The following TNKS variants were observed in gnomAD, a reference collection of about 807,000 sequenced individuals.
The protein encoded by TNKS is tankyrase.
TNKS carries 72 observed loss-of-function variants against 135.8 expected under a neutral mutation model. The ratio of observed to expected loss-of-function variants is 0.53; its 90% CI spans 0.44 to 0.64. The LOEUF is 0.64. Ranked by LOEUF, TNKS falls within the 30% of genes least tolerant of loss-of-function variation. The pLI is 0.00. For missense variants in TNKS, 1,769 were observed against 1,674.0 expected (o/e 1.06, Z -0.99); for synonymous variants, 849 against 649.3 (o/e 1.31, Z -4.68).
At chr8:9,716,147 T>G (rs1804589364) in intron 11 of TNKS, among the ~76,000 whole-genome samples, 1 of 152,206 alleles carries the variant, frequency 6.6e-6, no homozygotes, top group Non-Finnish European at 1.5e-5. Context: ...ATTTACATTG[T>G]GTTTAAGAAG....
chr8:9,566,593 C>CTTTTTTT (rs538182381), intron 1 of TNKS: 2 of 87,162 alleles, frequency 2.3e-5, no homozygotes, highest in Non-Finnish European at 4.4e-5. Context: ...TTAGCCCAGT[C>CTTTTTTT]TTTTTTTTTT....
chr8:9,777,015 C>G lies in TNKS; in HGVS notation c.*279C>G, dbSNP rs1339909455. On this transcript the variant is annotated 3_prime_UTR_variant, in exon 27 of 27. Coordinates refer to ENST00000310430, the MANE Select transcript of TNKS (RefSeq NM_003747.3). ...ATCCATTTCTAAAACAAGATTGCTT[C>G]GATCTAGACTTGGAAATGGAAAATA... The G allele has an allele frequency of 2.6e-6, 1 of 386,172 alleles. No individual in the cohort carries two copies. Among genetic ancestry groups the G allele is most frequent in the South Asian group, 4.4e-5 (1 of 22,666 alleles). 23.9% of individuals were successfully genotyped at this position (386,172 alleles called of 1,614,324 possible). A position where few individuals can be genotyped will look rare whatever the true frequency, so the allele number is the denominator to read the frequency against.
Position 9,735,535 on chromosome 8 carries a change from T to G in TNKS, c.2643+49T>G, listed in dbSNP as rs199637709. The stretch of plus-strand genomic sequence containing the variant: ...TAGAAAACTGACCGCACGCGGTGGC[T>G]CACGCCTGTAATCCCAGCACTTTAG... On this transcript the variant is annotated intron_variant, in intron 17 of 26. Transcript: ENST00000310430. The G allele has an allele frequency of 2.3e-5, 34 of 1,466,674 alleles. No homozygotes were observed. In the African/African-American group the frequency reaches 4.6e-4, roughly 20 times the overall value. 90.9% of individuals were successfully genotyped at this position (1,466,674 alleles called of 1,614,324 possible).
intron 2 of TNKS, among the ~76,000 whole-genome samples, chr8:9,591,784 A>C (rs1798599840): frequency 6.6e-6 from 1 of 152,172 alleles, no homozygotes; most frequent in African/African-American, 2.4e-5. Flanking sequence ...TATCAGTTAA[A>C]ATAGCAAAGT....
intron 3 of TNKS, among the ~76,000 whole-genome samples, chr8:9,662,324 A>G (rs549638084): frequency 6.6e-6 from 1 of 152,360 alleles, no homozygotes; most frequent in South Asian, 2.1e-4. Flanking sequence ...TATTCACAAT[A>G]GCAAAGACTT....
At position 9,734,972 on chromosome 8, in the gene TNKS, G is replaced by A; in HGVS notation, c.2421G>A (p.Leu807=). The change falls in exon 16 of 27, where the codon TTG becomes TTA. Residue 807 remains leucine, a synonymous_variant. Transcript: ENST00000310430. ...ACTTACTGAGAGGGGATGCTGCTTTGTTGGATGCTGCCAAGAAGGGCTGCC... is the reference window on the plus strand; with the variant it reads ...ACTTACTGAGAGGGGATGCTGCTTTATTGGATGCTGCCAAGAAGGGCTGCC... The part of the protein sequence containing the change: ...IQDLLRGDAA[L]LDAAKKGCLA... 1 of 1,614,206 alleles carries A rather than the reference G, an allele frequency of 6.2e-7. No individual in the cohort carries two copies.
intron 3 of TNKS, among the ~76,000 whole-genome samples, chr8:9,639,976 T>C (rs1387411534): frequency 6.6e-6 from 1 of 152,206 alleles, no homozygotes; most frequent in South Asian, 2.1e-4. Context: ...AGGATAATTG[T>C]AGAAAAGCAT....
At chr8:9,773,324 A>AT (rs1229225027) in intron 26 of TNKS, among the ~76,000 whole-genome samples, 12 of 151,928 alleles carry the variant, frequency 7.9e-5, no homozygotes, top group Non-Finnish European at 1.8e-4. Flanking sequence ...ATTTTTTAAC[A>AT]TTTACATAAT....
intron 3 of TNKS, among the ~76,000 whole-genome samples, chr8:9,662,880 T>C (rs1801790694): frequency 6.6e-6 from 1 of 152,212 alleles, no homozygotes; most frequent in African/African-American, 2.4e-5. Context: ...CTAGCCCCCA[T>C]AGATGTCAAC....
intron 3 of TNKS, among the ~76,000 whole-genome samples, chr8:9,645,975 G>T (rs1235518060): frequency 6.6e-6 from 1 of 152,002 alleles, no homozygotes; most frequent in Non-Finnish European, 1.5e-5. Flanking sequence ...TTTCTCCATT[G>T]CCCTACCCTC....
intron 26 of TNKS, 66 bp downstream of exon 26, chr8:9,770,328 T>C: frequency 6.7e-7 from 1 of 1,496,746 alleles, no homozygotes; most frequent in Non-Finnish European, 9.1e-7. Context: ...AGAGACCGTG[T>C]AAGACTTGAG....
At chr8:9,666,588 C>T (rs1283020126) in intron 3 of TNKS, among the ~76,000 whole-genome samples, 1 of 152,018 alleles carries the variant, frequency 6.6e-6, no homozygotes, top group African/African-American at 2.4e-5. Flanking sequence ...GCTGTGGTGG[C>T]TCACGCCTGT....
Position 9,760,497 on chromosome 8 carries a change from G to C in TNKS, c.3154-1019G>C, listed in dbSNP as rs546124977. On this transcript the variant is annotated intron_variant, in intron 20 of 26. Coordinates refer to ENST00000310430, the MANE Select transcript of TNKS (RefSeq NM_003747.3). ...TGCAAGTTAAAAAGTGGAAAAAAGC[G>C]ATCTTGTTTGAGTTGGAAACTGCAT... Among the ~76,000 whole-genome samples the C allele has an allele frequency of 1.3e-5, 2 of 152,300 alleles. 1 individual carries two copies. Among genetic ancestry groups the C allele is most frequent in the Middle Eastern group, 6.8e-3 (2 of 294 alleles).
intron 20 of TNKS, among the ~76,000 whole-genome samples, chr8:9,757,266 C>G (rs1309730745): frequency 6.6e-6 from 1 of 152,180 alleles, no homozygotes; most frequent in Non-Finnish European, 1.5e-5. Flanking sequence ...TGAGCCACCA[C>G]ACCTGGCCAG....
intron 3 of TNKS, among the ~76,000 whole-genome samples, chr8:9,637,454 C>G (rs1298172701): frequency 2.6e-5 from 4 of 151,964 alleles, no homozygotes; most frequent in African/African-American, 9.7e-5. Context: ...ACTCTTTTTT[C>G]TCTATTGGTG....
intron 8 of TNKS, among the ~76,000 whole-genome samples, chr8:9,708,054 G>A (rs1016382333): frequency 6.6e-6 from 1 of 152,124 alleles, no homozygotes; most frequent in African/African-American, 2.4e-5. Context: ...CAGCATATGT[G>A]CACACAAATT....
intron 2 of TNKS, among the ~76,000 whole-genome samples, chr8:9,581,210 G>T (rs6422354): frequency 1.3e-5 from 2 of 152,200 alleles, no homozygotes; most frequent in Non-Finnish European, 2.9e-5. Flanking sequence ...GTGGTGCTTA[G>T]TAATGGTTAA....
At chr8:9,740,230 T>A (rs1805865964) in intron 17 of TNKS, among the ~76,000 whole-genome samples, 1 of 152,162 alleles carries the variant, frequency 6.6e-6, no homozygotes, top group Non-Finnish European at 1.5e-5. Flanking sequence ...ATAGGATGAA[T>A]GCTCATGTGC....
At chr8:9,731,610 G>T (rs562640971) in intron 14 of TNKS, among the ~76,000 whole-genome samples, 1 of 152,028 alleles carries the variant, frequency 6.6e-6, no homozygotes, top group Admixed American at 6.6e-5. Context: ...TGTGTGTGCT[G>T]TGGCGATGGT....
Sources: gnomAD v4.1 joint callset for allele counts (sites outside exome capture counted in the v4.1 genomes callset) on GRCh38, gnomAD v4.1.1 for gene constraint, MANE v1.5 for transcripts, NCBI Gene and HGNC (gene_info 2026-07-23, HGNC 2026-07-21) for gene names.